The following CNOT6 variants were observed in gnomAD, a reference collection of about 807,000 sequenced individuals.
CNOT6 encodes carbon catabolite repression 4 protein.
CNOT6 carries 12 observed loss-of-function variants against 61.2 expected under a neutral mutation model. The observed-to-expected ratio is 0.20, with a 90% CI of 0.13 to 0.32. The LOEUF is 0.32. CNOT6 is among the 10% of genes least tolerant of loss of function. The pLI is 1.00. For missense variants in CNOT6, 405 were observed against 663.9 expected (o/e 0.61, Z 4.28); for synonymous variants, 225 against 240.6 (o/e 0.94, Z 0.60).
chr5:180,531,682 C>T (rs1397099889), intron 2 of CNOT6, among the ~76,000 whole-genome samples: 1 of 152,220 alleles, frequency 6.6e-6, no homozygotes, highest in Non-Finnish European at 1.5e-5. Flanking sequence ...CACTGCACTC[C>T]AGCCTGGGCA....
intron 2 of CNOT6, among the ~76,000 whole-genome samples, chr5:180,540,903 G>C (rs1758997210): frequency 6.6e-6 from 1 of 152,044 alleles, no homozygotes; most frequent in South Asian, 2.1e-4. Flanking sequence ...CATTTCCAAT[G>C]TTTTTCATTT....
chr5:180,570,304 G>A (rs1760681919), intron 10 of CNOT6, among the ~76,000 whole-genome samples: 1 of 152,186 alleles, frequency 6.6e-6, no homozygotes, highest in Admixed American at 6.5e-5. Context: ...GTTGCAGGGA[G>A]CCAAGATTGT....
chr5:180,529,315 G>A lies in CNOT6; in HGVS notation c.39G>A (p.Arg13=). The change falls in exon 2 of 12, where the codon AGG becomes AGA. Residue 13 remains arginine (R), a synonymous_variant. Transcript: ENST00000261951. ...AATACGAGCCCCCTGACCCTCGGAG[G>A]ATGTATACAATTATGTCTTCTGAGG... ...KEKYEPPDPR[R]MYTIMSSEEA... is the part of the protein sequence containing the mutation. 1 of 1,613,702 alleles carries A rather than the reference G, an allele frequency of 6.2e-7. No individual in the cohort carries two copies. The highest frequency in any genetic ancestry group is 8.5e-7 in the Non-Finnish European group (1 of 1,179,720).
intron 11 of CNOT6, among the ~76,000 whole-genome samples, chr5:180,572,795 A>G (rs532053184): frequency 5.3e-5 from 8 of 152,086 alleles, no homozygotes; most frequent in Non-Finnish European, 1.0e-4. Flanking sequence ...GCCTCAAGCA[A>G]TCCTCCTGCC....
intron 4 of CNOT6, among the ~76,000 whole-genome samples, chr5:180,558,489 C>T (rs556879111): frequency 6.7e-6 from 1 of 149,952 alleles, no homozygotes; most frequent in East Asian, 1.9e-4. Flanking sequence ...GAAGGCGCGC[C>T]CTCCTTCGGC....
chr5:180,505,354 C>T (rs1400838301), intron 1 of CNOT6, among the ~76,000 whole-genome samples: 7 of 116,240 alleles, frequency 6.0e-5, no homozygotes, highest in African/African-American at 1.4e-4. Flanking sequence ...CTCCCAGGTT[C>T]ACGCCATTCT....
rs74682164 is a variant in CNOT6 at position 180,549,905 on chromosome 5, C to T, written c.113-26C>T. The T allele has an allele frequency of 9.4e-5, 144 of 1,537,268 alleles. No homozygotes were observed. The East Asian group carries it at 2.9e-3, about 31-fold the overall frequency. On this transcript the variant is annotated intron_variant, in intron 2 of 11. Transcript: ENST00000261951. ...AAAATGTAGAGAAAACTATATAATC[C>T]GTTCCTGTATTTTTTTCTCTTACAG... is the stretch of plus-strand genomic sequence containing the variant.
intron 1 of CNOT6, among the ~76,000 whole-genome samples, chr5:180,519,766 CTT>C (rs58209260): frequency 1.4e-4 from 19 of 138,834 alleles, no homozygotes; most frequent in South Asian, 4.4e-4. Flanking sequence ...TTAATCGATT[CTT>C]TTTTTTTTTT....
intron 7 of CNOT6, among the ~76,000 whole-genome samples, chr5:180,566,179 T>G (rs1326112775): frequency 6.6e-6 from 1 of 152,202 alleles, no homozygotes; most frequent in Non-Finnish European, 1.5e-5. Flanking sequence ...AAGCTGGGAT[T>G]TATGCGTTTG....
At chr5:180,568,309 G>T (rs1482369776) in intron 9 of CNOT6, among the ~76,000 whole-genome samples, 1 of 151,142 alleles carries the variant, frequency 6.6e-6, no homozygotes, top group Non-Finnish European at 1.5e-5. Flanking sequence ...TAACTGCTCA[G>T]GGGTAAGAAC....
chr5:180,536,288 C>A (rs769028287), intron 2 of CNOT6, among the ~76,000 whole-genome samples: 38 of 151,924 alleles, frequency 2.5e-4, no homozygotes, highest in Non-Finnish European at 5.0e-4. Context: ...TGTGAGCCAC[C>A]GTGCCTGGCC....
chr5:180,494,461 T>TGGC lies in CNOT6; in HGVS notation c.-297_-295dup, dbSNP rs925557530. On this transcript the variant is annotated 5_prime_UTR_variant, in exon 1 of 12. Transcript: ENST00000261951. ...GCGGAGGAGGAGGCGGCGGCGTCGG[T>TGGC]GGCGGCGGCGACGGCGGCGCGGAGG... The TGGC allele has an allele frequency of 6.6e-6, 1 of 151,376 alleles. No homozygotes were observed. The highest frequency in any genetic ancestry group is 2.5e-5 in the African/African-American group (1 of 39,568). 9.4% of individuals were successfully genotyped at this position (151,376 alleles called of 1,614,324 possible).
intron 11 of CNOT6, among the ~76,000 whole-genome samples, chr5:180,571,711 G>A (rs1035614755): frequency 5.9e-5 from 9 of 151,940 alleles, no homozygotes; most frequent in African/African-American, 1.9e-4. Context: ...GACTACAGGC[G>A]CCTACTACCA....
intron 4 of CNOT6, among the ~76,000 whole-genome samples, chr5:180,561,378 G>GTA (rs1760178747): frequency 6.6e-6 from 1 of 151,646 alleles, no homozygotes; most frequent in Non-Finnish European, 1.5e-5. Flanking sequence ...GTGTGTGTGT[G>GTA]TGTGTGTGTG....
chr5:180,537,960 G>A (rs1758797489), intron 2 of CNOT6, among the ~76,000 whole-genome samples: 1 of 151,224 alleles, frequency 6.6e-6, no homozygotes, highest in Admixed American at 6.6e-5. Flanking sequence ...TCTCACACCA[G>A]ACCCAGCACT....
At chr5:180,516,422 C>T (rs778170564) in intron 1 of CNOT6, among the ~76,000 whole-genome samples, 6 of 152,016 alleles carry the variant, frequency 3.9e-5, no homozygotes, top group East Asian at 1.9e-4. Context: ...CCTTGTGATC[C>T]GCCTGCCTTG....
chr5:180,494,820 A>G (rs1175977692), intron 1 of CNOT6, 57 bp downstream of exon 1: 1 of 151,800 alleles, frequency 6.6e-6, no homozygotes, highest in Non-Finnish European at 1.5e-5. Flanking sequence ...CCGGCCGCGC[A>G]CGGACCGCCC....
rs1761067270 is a variant in CNOT6 at position 180,577,663 on chromosome 5, A to G, written c.*3463A>G. The G allele has an allele frequency of 6.6e-6, 1 of 152,642 alleles. No individual in the cohort carries two copies. The highest frequency in any genetic ancestry group is 2.4e-5 in the African/African-American group (1 of 41,458). 9.5% of individuals were successfully genotyped at this position (152,642 alleles called of 1,614,324 possible). ...CTAAAAGTATCTAGTCTTTATTCAC[A>G]GTACATTATATTGTGTGATGCACTG... On this transcript the variant is annotated 3_prime_UTR_variant, in exon 12 of 12. Coordinates refer to ENST00000261951, the MANE Select transcript of CNOT6 (RefSeq NM_001370472.1).
In CNOT6 at chr5:180,565,954, A is replaced by G; in HGVS notation, c.694A>G (p.Asn232Asp). Residue 232 changes from asparagine (N) to aspartate (D), a missense_variant, in exon 7 of 12, where the codon AAT (asparagine) becomes GAT (aspartate). Asn to Asp is a conservative substitution (Grantham distance 23, BLOSUM62 1). Transcript: ENST00000261951. ...CATTATTCAAGAAATCTTGAGCTGC[A>G]ATGCTGATATCGTAAGTCTTCAGGT... ...KAIIQEILSC[N>D]ADIVSLQEVE... 2.5e-6 allele frequency: 4 copies of G among 1,613,758 alleles called. No individual in the cohort carries two copies. Among genetic ancestry groups the G allele is most frequent in the Non-Finnish European group, 3.4e-6 (4 of 1,179,752 alleles).
Sources: gnomAD v4.1 joint callset for allele counts (sites outside exome capture counted in the v4.1 genomes callset) on GRCh38, gnomAD v4.1.1 for gene constraint, MANE v1.5 for transcripts, NCBI Gene and HGNC (gene_info 2026-07-23, HGNC 2026-07-21) for gene names.